Variants in NLGN4X observed in about 807,000 individuals in gnomAD.
NLGN4X encodes neuroligin-4, X-linked.
A neutral mutation model predicts 40.3 loss-of-function variants in NLGN4X; 3 were observed. The observed-to-expected ratio is 0.07, with a 90% CI of 0.03 to 0.19. NLGN4X has a LOEUF of 0.19. Ranked by LOEUF, NLGN4X falls within the 10% of genes least tolerant of loss-of-function variation. The pLI is 1.00. For synonymous variants in NLGN4X, 270 were observed against 306.8 expected (o/e 0.88, Z 1.25); for missense variants, 382 against 708.3 (o/e 0.54, Z 5.23).
At chrX:6,134,538 C>T (rs1432415202) in intron 2 of NLGN4X, among the ~76,000 whole-genome samples, 1 of 112,119 alleles carries the variant, frequency 8.9e-6, no homozygotes, top group Admixed American at 9.5e-5. Context: ...CCTGTATGTT[C>T]TGCAAGGAAA....
At chrX:5,909,020 A>G (rs376875886) in intron 4 of NLGN4X, 34 bp downstream of exon 4, 8 of 1,202,565 alleles carry the variant, frequency 6.7e-6, no homozygotes, top group Non-Finnish European at 9.0e-6. Context: ...GGTTCAGGGT[A>G]TTTGCCCGCC....
intron 2 of NLGN4X, among the ~76,000 whole-genome samples, chrX:6,090,108 G>A (rs748874943): frequency 9.0e-6 from 1 of 111,404 alleles, no homozygotes; most frequent in South Asian, 3.7e-4. Flanking sequence ...AACACCTCCT[G>A]CAGAGATGAA....
intron 2 of NLGN4X, among the ~76,000 whole-genome samples, chrX:6,032,380 C>G (rs1396287909): frequency 2.0e-5 from 2 of 99,495 alleles, no homozygotes; most frequent in Non-Finnish European, 4.0e-5. Flanking sequence ...TTTTAAAATT[C>G]CATTTTCTCT....
intron 5 of NLGN4X, among the ~76,000 whole-genome samples, chrX:5,898,558 C>T (rs1255109492): frequency 9.0e-6 from 1 of 111,279 alleles, no homozygotes; most frequent in African/African-American, 3.3e-5. Context: ...AACACATGCG[C>T]CATCGAGAGA....
Position 6,029,171 on chromosome X carries a change from TAA to T in NLGN4X, c.625+107_625+108del, listed in dbSNP as rs1386215215. On this transcript the variant is annotated intron_variant, in intron 3 of 5. Transcript: ENST00000381095. ...TAAAGTAAATACCGTGAAGTGGAAT[TAA>T]CCAGGAACTGGAATAACAGGATTCA... 3.3e-6 allele frequency: 3 copies of T among 905,704 alleles called. No individual in the cohort carries two copies. In the African/African-American group the frequency reaches 5.8e-5, roughly 18 times the overall value. 74.6% of individuals were successfully genotyped at this position (905,704 alleles called of 1,213,427 possible).
intron 1 of NLGN4X, among the ~76,000 whole-genome samples, chrX:6,152,831 T>A (rs779799164): frequency 8.9e-6 from 1 of 112,672 alleles, no homozygotes; most frequent in East Asian, 2.8e-4. Flanking sequence ...TTAGAGGGTA[T>A]CCTCTTCACC....
chrX:6,198,122 C>T lies in NLGN4X; in HGVS notation c.-306+30419G>A, dbSNP rs111790791. The stretch of plus-strand genomic sequence containing the variant: ...TCATATCATTTTAAAGAAAGCTTAG[C>T]ATAAAGAGAATACATTAGTCAAAGC... On this transcript the variant is annotated intron_variant, in intron 1 of 5. Transcript: ENST00000381095. Among the ~76,000 whole-genome samples the T allele has an allele frequency of 1.9e-4, 21 of 110,399 alleles. No individual in the cohort carries two copies. The East Asian group carries it at 2.5e-3, about 13-fold the overall frequency.
At chrX:6,131,609 A>C (rs2039683156) in intron 2 of NLGN4X, among the ~76,000 whole-genome samples, 1 of 112,389 alleles carries the variant, frequency 8.9e-6, no homozygotes, top group Admixed American at 9.4e-5. Context: ...CTGCTTAAAA[A>C]TGTTCCTTCA....
At chrX:6,086,058 G>A (rs979438670) in intron 2 of NLGN4X, among the ~76,000 whole-genome samples, 4 of 111,937 alleles carry the variant, frequency 3.6e-5, no homozygotes, top group Non-Finnish European at 7.5e-5. Context: ...TATTATTACT[G>A]TTATTATAAG....
chrX:6,034,676 C>T (rs2036955132), intron 2 of NLGN4X, among the ~76,000 whole-genome samples: 1 of 106,375 alleles, frequency 9.4e-6, no homozygotes, highest in South Asian at 4.3e-4. Flanking sequence ...TTTGTTATAA[C>T]CATACTAATG....
At chrX:6,121,054 G>A (rs1440749621) in intron 2 of NLGN4X, among the ~76,000 whole-genome samples, 2 of 110,584 alleles carry the variant, frequency 1.8e-5, no homozygotes, top group East Asian at 2.8e-4. Context: ...AATGAGCTTC[G>A]TCCAAAATCA....
intron 3 of NLGN4X, among the ~76,000 whole-genome samples, chrX:5,996,212 A>G: frequency 8.9e-6 from 1 of 112,267 alleles, no homozygotes; most frequent in South Asian, 3.7e-4. Flanking sequence ...TCACAATGCA[A>G]TCAGTCAAGC....
chrX:6,215,404 C>T (rs1335889708), intron 1 of NLGN4X, among the ~76,000 whole-genome samples: 1 of 110,509 alleles, frequency 9.0e-6, no homozygotes, highest in Non-Finnish European at 1.9e-5. Context: ...ACAAAATTAG[C>T]CAGCAGTGGT....
rs78435480 is a variant in NLGN4X at position 5,928,677 on chromosome X, C to A, written c.626-19438G>T. 3.0e-3 allele frequency among the ~76,000 whole-genome samples: 339 copies of A among 111,530 alleles called. 11 individuals carry two copies. In the East Asian group the frequency reaches 0.076, roughly 25 times the overall value. On this transcript the variant is annotated intron_variant, in intron 3 of 5. Transcript: ENST00000381095. Reference sequence around the variant, plus strand: ...TGTACCCTACTTTCCGCTGCAGTGACTTCCATGTGAAAATGCTGTCACTGA... The same window carrying A: ...TGTACCCTACTTTCCGCTGCAGTGAATTCCATGTGAAAATGCTGTCACTGA...
At chrX:5,958,747 A>T (rs1245614720) in intron 3 of NLGN4X, among the ~76,000 whole-genome samples, 1 of 111,821 alleles carries the variant, frequency 8.9e-6, no homozygotes, top group Non-Finnish European at 1.9e-5. Context: ...TGCCTACAGC[A>T]AACACAAGCA....
intron 3 of NLGN4X, among the ~76,000 whole-genome samples, chrX:5,971,779 G>A (rs982169530): frequency 1.8e-5 from 2 of 111,602 alleles, no homozygotes; most frequent in African/African-American, 6.5e-5. Flanking sequence ...TTTATATGCA[G>A]CCTTCCTGTT....
chrX:6,070,834 C>T (rs2038044671), intron 2 of NLGN4X, among the ~76,000 whole-genome samples: 1 of 111,342 alleles, frequency 9.0e-6, no homozygotes, highest in South Asian at 3.8e-4. Flanking sequence ...GAAGGAGGAA[C>T]CTGCCAGACA....
At chrX:6,025,486 G>C in intron 3 of NLGN4X, among the ~76,000 whole-genome samples, 1 of 112,247 alleles carries the variant, frequency 8.9e-6, no homozygotes, top group Non-Finnish European at 1.9e-5. Flanking sequence ...TGGATAAACA[G>C]TAGTATTAAT....
intron 1 of NLGN4X, among the ~76,000 whole-genome samples, chrX:6,224,987 TATATATATATATATATATATATATACAC>T (rs1169947126): frequency 3.0e-4 from 15 of 50,151 alleles, no homozygotes; most frequent in African/African-American, 1.3e-3. Flanking sequence ...CATATATATA[TATATATATATATATATATATATATACAC>T]ACACACACAC....
Sources: allele counts gnomAD v4.1 joint callset (sites outside exome capture counted in the v4.1 genomes callset), GRCh38; gene constraint gnomAD v4.1.1; transcripts MANE v1.5; gene names NCBI Gene and HGNC (gene_info 2026-07-23, HGNC 2026-07-21).